Variants in MARK3 observed in about 807,000 individuals in gnomAD.
MARK3 encodes microtubule affinity regulating kinase 3.
MARK3 carries 46 observed loss-of-function variants against 90.1 expected under a neutral mutation model. The observed-to-expected ratio is 0.51, with a 90% CI of 0.40 to 0.65. The LOEUF is 0.65. Ranked by LOEUF, MARK3 falls within the 30% of genes least tolerant of loss-of-function variation. The probability of loss-of-function intolerance (pLI) is 0.00; values close to 1 mark genes in which losing one functional copy is unlikely to be tolerated. For synonymous variants in MARK3, 321 were observed against 332.6 expected (o/e 0.97, Z 0.38); for missense variants, 818 against 947.2 (o/e 0.86, Z 1.79).
At chr14:103,457,982 C>G (rs936752358) in intron 6 of MARK3, among the ~76,000 whole-genome samples, 3 of 152,168 alleles carry the variant, frequency 2.0e-5, no homozygotes, top group Admixed American at 6.5e-5. Flanking sequence ...AGTAGGAGAC[C>G]TGCCATAGAC....
At chr14:103,431,467 C>A (rs1268532109) in intron 3 of MARK3, among the ~76,000 whole-genome samples, 1 of 151,342 alleles carries the variant, frequency 6.6e-6, no homozygotes, top group East Asian at 2.0e-4. Flanking sequence ...CGCGTCTCTA[C>A]TAAAAATACA....
intron 1 of MARK3, among the ~76,000 whole-genome samples, chr14:103,389,085 C>T (rs2090024496): frequency 6.6e-6 from 1 of 152,038 alleles, no homozygotes; most frequent in South Asian, 2.1e-4. Flanking sequence ...AAAAGGCAGG[C>T]CGGGTGTGGT....
intron 1 of MARK3, among the ~76,000 whole-genome samples, chr14:103,387,719 C>T (rs190744747): frequency 1.2e-4 from 18 of 152,060 alleles, no homozygotes; most frequent in African/African-American, 3.9e-4. Context: ...TCTAGAACTC[C>T]TGGCCTCATG....
chr14:103,474,509 T>TCAAACTC (rs2093684175), intron 12 of MARK3, among the ~76,000 whole-genome samples: 1 of 76,450 alleles, frequency 1.3e-5, no homozygotes, highest in African/African-American at 5.9e-5. Context: ...CTACTCAAAC[T>TCAAACTC]CCGGTTTATC....
intron 2 of MARK3, among the ~76,000 whole-genome samples, chr14:103,413,666 C>T (rs1287173181): frequency 6.6e-6 from 1 of 151,270 alleles, no homozygotes; most frequent in African/African-American, 2.4e-5. Flanking sequence ...CCATATTGCC[C>T]AGGCTGGTCT....
At chr14:103,404,861 T>G (rs1256683810) in intron 1 of MARK3, among the ~76,000 whole-genome samples, 3 of 152,226 alleles carry the variant, frequency 2.0e-5, no homozygotes, top group Non-Finnish European at 2.9e-5. Flanking sequence ...AATTTCTTCC[T>G]GAACACTCAA....
At position 103,385,932 on chromosome 14, in the gene MARK3, C is replaced by T; in HGVS notation, c.-98C>T. On this transcript the variant is annotated 5_prime_UTR_variant, in exon 1 of 18. Coordinates refer to ENST00000429436, the MANE Select transcript of MARK3 (RefSeq NM_001128918.3). ...AGCCGCCCTCCCCACGGCGCCTTTT[C>T]GGAACTGCCGTGGACTCGAGGACGC... The T allele has an allele frequency of 3.0e-6, 3 of 1,001,928 alleles. No individual in the cohort carries two copies. The highest frequency in any genetic ancestry group is 2.3e-4 in the Middle Eastern group (1 of 4,442). 62.1% of individuals were successfully genotyped at this position (1,001,928 alleles called of 1,614,324 possible).
Position 103,395,577 on chromosome 14 carries a change from C to T in MARK3, c.51+9497C>T, listed in dbSNP as rs146697809. On this transcript the variant is annotated intron_variant, in intron 1 of 17. Transcript: ENST00000429436. ...AGGGATTCCCTTTGCCTTTCCTGTT[C>T]GATCCATTTTCTTCCCCTTGGTTCA... 2.9e-4 allele frequency among the ~76,000 whole-genome samples: 44 copies of T among 152,266 alleles called. No homozygotes were observed. In the East Asian group the frequency reaches 7.5e-3, roughly 26 times the overall value.
intron 2 of MARK3, among the ~76,000 whole-genome samples, chr14:103,422,616 A>C (rs1388104126): frequency 6.6e-6 from 1 of 152,160 alleles, no homozygotes. Flanking sequence ...GCCTCCTTCA[A>C]ATCCCTTCAC....
At chr14:103,475,581 G>A (rs1215939290) in intron 13 of MARK3, among the ~76,000 whole-genome samples, 1 of 152,188 alleles carries the variant, frequency 6.6e-6, no homozygotes, top group African/African-American at 2.4e-5. Context: ...TCCTCCAGAG[G>A]AGACAAATGC....
Position 103,472,532 on chromosome 14 carries a change from A to G in MARK3, c.1265-2461A>G, listed in dbSNP as rs567712486. ...CTTGGTGTCAAGTGCCTGTAGTCCT[A>G]GCTGCTCAGGAGGCTGAGGCAGGAG... On this transcript the variant is annotated intron_variant, in intron 12 of 17. Transcript: ENST00000429436. 1.9e-4 allele frequency among the ~76,000 whole-genome samples: 29 copies of G among 151,282 alleles called. No homozygotes were observed. The South Asian group carries it at 6.1e-3, about 32-fold the overall frequency.
At chr14:103,420,633 A>G (rs1288387417) in intron 2 of MARK3, among the ~76,000 whole-genome samples, 1 of 152,200 alleles carries the variant, frequency 6.6e-6, no homozygotes, top group Non-Finnish European at 1.5e-5. Context: ...TATGTACATT[A>G]TTGGGCAACC....
At position 103,451,973 on chromosome 14, in the gene MARK3, T is replaced by TG. The variant is rs1332161660; in HGVS notation, c.403dup (p.Ala135GlyfsTer5). ...AAACACTCTACCTAATCATGGAATA[T>TG]GCAAGTGGAGGTAAGAACATTTTTA... On this transcript the variant is annotated frameshift_variant, in exon 5 of 18. Transcript: ENST00000429436. LOFTEE classifies it high-confidence loss of function. The TG allele has an allele frequency of 6.2e-7, 1 of 1,608,222 alleles. No individual in the cohort carries two copies. The highest frequency in any genetic ancestry group is 8.5e-7 in the Non-Finnish European group (1 of 1,176,190).
At chr14:103,473,898 C>T (rs2093670915) in intron 12 of MARK3, among the ~76,000 whole-genome samples, 1 of 151,998 alleles carries the variant, frequency 6.6e-6, no homozygotes, top group African/African-American at 2.4e-5. Flanking sequence ...AAATTCTCTT[C>T]TGCCTTAGAA....
At chr14:103,475,306 G>A (rs1313364401) in intron 13 of MARK3, 96 bp downstream of exon 13, 10 of 983,452 alleles carry the variant, frequency 1.0e-5, no homozygotes, top group Non-Finnish European at 1.6e-6. Context: ...CTCTCGTACT[G>A]GAATGCCCTC....
intron 8 of MARK3, 89 bp downstream of exon 8, chr14:103,465,882 C>A: frequency 6.5e-7 from 1 of 1,544,864 alleles, no homozygotes; most frequent in Non-Finnish European, 8.8e-7. Flanking sequence ...TATATCAGTG[C>A]GGGGGGTTTC....
At chr14:103,499,910 G>T (rs1434090398) in intron 16 of MARK3, 2 of 530,676 alleles carry the variant, frequency 3.8e-6, no homozygotes, top group East Asian at 3.3e-5. Flanking sequence ...CATGCAATGT[G>T]TGTGATGTAT....
intron 2 of MARK3, among the ~76,000 whole-genome samples, chr14:103,418,575 T>G (rs2092061686): frequency 6.6e-6 from 1 of 152,128 alleles, no homozygotes; most frequent in African/African-American, 2.4e-5. Context: ...CACCCCTCAG[T>G]CACTTAGTCC....
At chr14:103,448,821 T>C in intron 3 of MARK3, 98 bp from the exon 4 acceptor site, 2 of 1,211,598 alleles carry the variant, frequency 1.7e-6, no homozygotes, top group Middle Eastern at 2.5e-4. Context: ...GAATCTGTTA[T>C]CTAAGAGAAA....
Sources: allele counts gnomAD v4.1 joint callset (sites outside exome capture counted in the v4.1 genomes callset), GRCh38; gene constraint gnomAD v4.1.1; transcripts MANE v1.5; gene names NCBI Gene and HGNC (gene_info 2026-07-23, HGNC 2026-07-21).